The following ADGRG5 variants were observed in gnomAD, a reference collection of about 807,000 sequenced individuals.
The protein encoded by ADGRG5 is G protein-coupled receptor 114.
In ADGRG5, 37 loss-of-function variants were observed where a neutral mutation model predicts 53.2. The observed-to-expected ratio is 0.70, with a 90% CI of 0.53 to 0.91. ADGRG5 has a LOEUF of 0.91. ADGRG5 is among the 40% of genes least tolerant of loss of function. The pLI is 0.00. For synonymous variants in ADGRG5, 277 were observed against 290.4 expected, an observed-to-expected ratio of 0.95 and a Z score of 0.47; for missense variants, 614 against 675.8, an observed-to-expected ratio of 0.91 and a Z score of 1.01.
intron 10 of ADGRG5, 32 bp downstream of exon 10, chr16:57,570,567 T>G (rs749667510): frequency 6.7e-7 from 1 of 1,501,134 alleles, no homozygotes; most frequent in Admixed American, 1.7e-5. Context: ...GTGGGCTCCC[T>G]GGCTCTGGCA....
Position 57,563,179 on chromosome 16 carries a change from G to T in ADGRG5, c.229G>T (p.Ala77Ser). ...GCAGACACCCACCATCCAGTCTCTG[G>T]CCTTCAAGCTGAGCTGTGACTTCTC... The part of the protein sequence containing the change: ...TLQTPTIQSL[A>S]FKLSCDFSGL... The change falls in exon 4 of 12, where the codon GCC becomes TCC. Residue 77 changes from alanine to serine, a missense_variant. Ala to Ser is a moderately conservative substitution (Grantham distance 99). Transcript: ENST00000349457. The T allele has an allele frequency of 1.2e-6, 2 of 1,614,152 alleles. No homozygotes were observed. The highest frequency in any genetic ancestry group is 1.7e-6 in the Non-Finnish European group (2 of 1,180,004).
At chr16:57,569,127 C>G (rs1255496414) in intron 9 of ADGRG5, among the ~76,000 whole-genome samples, 2 of 151,184 alleles carry the variant, frequency 1.3e-5, no homozygotes, top group African/African-American at 2.4e-5. Context: ...TCTTCACCAC[C>G]ATGATCACCT....
upstream of ADGRG5, among the ~76,000 whole-genome samples, chr16:57,538,541 G>A (rs1340206648): frequency 6.6e-6 from 1 of 152,148 alleles, no homozygotes; most frequent in African/African-American, 2.4e-5. Flanking sequence ...ACTGGCCCGG[G>A]GTCACCCTAT....
At position 57,571,656 on chromosome 16, in the gene ADGRG5, C is replaced by CTTTTTTTTTTT. The variant is rs61698586; in HGVS notation, c.1208+1127_1208+1137dup. Among the ~76,000 whole-genome samples, 39 of 133,972 alleles carry CTTTTTTTTTTT rather than the reference C, an allele frequency of 2.9e-4. 1 individual carries two copies. The highest frequency in any genetic ancestry group is 7.7e-3 in the Middle Eastern group (2 of 260). 87.9% of individuals were successfully genotyped at this position (133,972 alleles called of 152,430 possible). ...TCTGAAGATGTATTTTCTTTTTTTT[C>CTTTTTTTTTTT]TTTTTTTTTTTTTTTTGAGATGGAG... On this transcript the variant is annotated intron_variant, in intron 10 of 11. Coordinates refer to ENST00000349457, the MANE Select transcript of ADGRG5 (RefSeq NM_001304376.3).
At chr16:57,571,719 G>C (rs2033367158) in intron 10 of ADGRG5, among the ~76,000 whole-genome samples, 1 of 142,930 alleles carries the variant, frequency 7.0e-6, no homozygotes, top group African/African-American at 2.6e-5. Context: ...GCAATGGTGT[G>C]ATCTCGGCTC....
At chr16:57,565,579 C>T (rs2033112478) in intron 6 of ADGRG5, 1 of 236,368 alleles carries the variant, frequency 4.2e-6, no homozygotes, top group African/African-American at 2.2e-5. Context: ...CCATCAGGCT[C>T]TTCCCCCGAC....
At chr16:57,569,473 A>T (rs1455730403) in intron 9 of ADGRG5, among the ~76,000 whole-genome samples, 1 of 149,598 alleles carries the variant, frequency 6.7e-6, no homozygotes, top group Non-Finnish European at 1.5e-5. Flanking sequence ...CATCTCCTCC[A>T]CCTCTATCAC....
the ADGRG5 span, among the ~76,000 whole-genome samples, chr16:57,536,883 C>G: frequency 6.6e-6 from 1 of 152,158 alleles, no homozygotes; most frequent in African/African-American, 2.4e-5. Flanking sequence ...ACGTACTAGG[C>G]GCCCCCAGCA....
chr16:57,575,550 T>TG lies in ADGRG5; in HGVS notation c.*14dup. ...AAACAACACAGTAGTCCGGGCCTCC[T>TG]GGCCTGGAATCCTCAGCCTCTCTGG... is the stretch of plus-strand genomic sequence containing the variant. On this transcript the variant is annotated 3_prime_UTR_variant, in exon 12 of 12. Transcript: ENST00000349457. 1 of 1,599,664 alleles carries TG rather than the reference T, an allele frequency of 6.3e-7. No homozygotes were observed. The highest frequency in any genetic ancestry group is 1.7e-4 in the Middle Eastern group (1 of 6,036).
chr16:57,543,898 G>T (rs1488971231), intron 1 of ADGRG5, among the ~76,000 whole-genome samples: 6 of 152,146 alleles, frequency 3.9e-5, no homozygotes, highest in African/African-American at 1.4e-4. Context: ...CTCTTTCTGG[G>T]AAATAGATTT....
At position 57,570,473 on chromosome 16, in the gene ADGRG5, A is replaced by G. The variant is rs777875099; in HGVS notation, c.1146A>G (p.Gly382=). Residue 382 remains glycine (G), a synonymous_variant, in exon 10 of 12, where the codon GGA becomes GGG. Transcript: ENST00000349457. ...TCTCTGTCAAGAGCTCGGTATACGG[A>G]CCCTGCACAATCCCCGTCTTCGACA... is the stretch of plus-strand genomic sequence containing the variant. ...LSLSVKSSVY[G]PCTIPVFDSW... 7 of 1,613,348 alleles carry G rather than the reference A, an allele frequency of 4.3e-6. No individual in the cohort carries two copies. The Admixed American group carries it at 8.3e-5, about 19-fold the overall frequency.
At chr16:57,554,113 AT>A (rs1301760777) in intron 1 of ADGRG5, among the ~76,000 whole-genome samples, 3 of 151,724 alleles carry the variant, frequency 2.0e-5, no homozygotes, top group African/African-American at 7.3e-5. Flanking sequence ...ATTTCAAGGA[AT>A]TTTTTTTCAT....
intron 1 of ADGRG5, among the ~76,000 whole-genome samples, chr16:57,551,953 C>T (rs1356599851): frequency 3.3e-5 from 5 of 152,138 alleles, no homozygotes; most frequent in African/African-American, 9.7e-5. Context: ...CAACATTGAT[C>T]TCCTTGTGCA....
At chr16:57,562,962 A>C in intron 3 of ADGRG5, 129 bp from the exon 4 acceptor site, 1 of 782,800 alleles carries the variant, frequency 1.3e-6, no homozygotes, top group Non-Finnish European at 2.1e-6. Flanking sequence ...CTGTGTGTGC[A>C]GTGGTCTGGA....
chr16:57,542,997 C>A (rs2032523888), intron 1 of ADGRG5: 1 of 152,282 alleles, frequency 6.6e-6, no homozygotes, highest in Non-Finnish European at 1.5e-5. Flanking sequence ...AGAGAGGTTT[C>A]TTTTCTGGAC....
chr16:57,570,544 C>A lies in ADGRG5; in HGVS notation c.1208+9C>A. ...TTCCAGAACATGTCCATGTGAGTGC[C>A]CTCAGGGCTGCAGTGGGCTCCCTGG... On this transcript the variant is annotated intron_variant, in intron 10 of 11. Coordinates refer to ENST00000349457, the MANE Select transcript of ADGRG5 (RefSeq NM_001304376.3). 1 of 1,597,004 alleles carries A rather than the reference C, an allele frequency of 6.3e-7. No individual in the cohort carries two copies. The highest frequency in any genetic ancestry group is 8.6e-7 in the Non-Finnish European group (1 of 1,165,374).
At chr16:57,566,811 G>T in intron 7 of ADGRG5, 60 bp downstream of exon 7, 1 of 1,347,158 alleles carries the variant, frequency 7.4e-7, no homozygotes, top group South Asian at 2.0e-5. Flanking sequence ...TGTGGCAGAG[G>T]AGCAAGGCAA....
chr16:57,565,516 G>T (rs2033110764), intron 6 of ADGRG5: 1 of 363,290 alleles, frequency 2.8e-6, no homozygotes, highest in Non-Finnish European at 4.9e-6. Context: ...TGTCTTGGCT[G>T]TCCATTCTGT....
At chr16:57,563,347 C>T (rs1295938524) in intron 4 of ADGRG5, 100 bp downstream of exon 4, 2 of 990,122 alleles carry the variant, frequency 2.0e-6, no homozygotes, top group Non-Finnish European at 3.1e-6. Flanking sequence ...CTGTCTTCCT[C>T]CCCACACCCC....
Sources: allele counts gnomAD v4.1 joint callset (sites outside exome capture counted in the v4.1 genomes callset), GRCh38; gene constraint gnomAD v4.1.1; transcripts MANE v1.5; gene names NCBI Gene and HGNC (gene_info 2026-07-23, HGNC 2026-07-21).